The following GLIS3 variants were observed in gnomAD, a reference collection of about 807,000 sequenced individuals.
The protein encoded by GLIS3 is zinc finger protein GLIS3.
In GLIS3, 53 loss-of-function variants were observed where a neutral mutation model predicts 78.6. That is an observed-to-expected ratio of 0.67 (90% CI 0.54 to 0.85). GLIS3 has a LOEUF of 0.85. GLIS3 is among the 40% of genes least tolerant of loss of function. The probability of loss-of-function intolerance (pLI) is 0.00; values close to 1 mark genes in which losing one functional copy is unlikely to be tolerated. For missense variants in GLIS3, 1,703 were observed against 1,231.1 expected (o/e 1.38, Z -5.74); for synonymous variants, 684 against 509.9 (o/e 1.34, Z -4.60).
intron 2 of GLIS3, among the ~76,000 whole-genome samples, chr9:4,144,117 C>G (rs1399259718): frequency 6.6e-6 from 1 of 152,080 alleles, no homozygotes; most frequent in Admixed American, 6.6e-5. Flanking sequence ...GGGGAGAAGG[C>G]AAGGGAACAA....
chr9:4,061,031 T>A (rs1826603763), intron 4 of GLIS3, among the ~76,000 whole-genome samples: 1 of 152,044 alleles, frequency 6.6e-6, no homozygotes, highest in African/African-American at 2.4e-5. Context: ...GTTACACTTC[T>A]GCATCATCTG....
intron 6 of GLIS3, among the ~76,000 whole-genome samples, chr9:3,915,710 A>T (rs937460334): frequency 6.6e-6 from 1 of 152,208 alleles, no homozygotes; most frequent in South Asian, 2.1e-4. Context: ...CCCTGGAAAG[A>T]TGCTATTACT....
At chr9:4,267,207 C>G (rs1463938380) in intron 2 of GLIS3, among the ~76,000 whole-genome samples, 2 of 152,156 alleles carry the variant, frequency 1.3e-5, no homozygotes, top group Non-Finnish European at 2.9e-5. Context: ...CTCCCATCTT[C>G]TAAAGTGGGA....
intron 2 of GLIS3, among the ~76,000 whole-genome samples, chr9:4,265,472 C>G (rs532154193): frequency 6.7e-6 from 1 of 148,892 alleles, no homozygotes; most frequent in East Asian, 1.9e-4. Flanking sequence ...TCACATCCGT[C>G]ACATTCTATA....
At chr9:4,093,291 G>A (rs1296594504) in intron 4 of GLIS3, among the ~76,000 whole-genome samples, 2 of 151,720 alleles carry the variant, frequency 1.3e-5, no homozygotes, top group African/African-American at 2.4e-5. Flanking sequence ...TATAATGAAT[G>A]AATGTTCCTG....
chr9:4,163,373 T>C (rs573714371), intron 2 of GLIS3, among the ~76,000 whole-genome samples: 2 of 152,402 alleles, frequency 1.3e-5, no homozygotes, highest in South Asian at 4.1e-4. Context: ...AGCTGGAGGA[T>C]ACCTCATTTA....
At chr9:4,399,221 G>C in the GLIS3 span, among the ~76,000 whole-genome samples, 1 of 152,138 alleles carries the variant, frequency 6.6e-6, no homozygotes, top group Admixed American at 6.5e-5. Flanking sequence ...TAACTACCCT[G>C]ATCTGATCAC....
At chr9:3,994,400 C>T (rs1212854293) in intron 4 of GLIS3, among the ~76,000 whole-genome samples, 2 of 152,142 alleles carry the variant, frequency 1.3e-5, no homozygotes, top group Non-Finnish European at 2.9e-5. Context: ...GTTTTGACAC[C>T]TACACCTTGA....
At position 4,044,616 on chromosome 9, in the gene GLIS3, C is replaced by T. The variant is rs997889134; in HGVS notation, c.1710+73152G>A. ...AGTGACTGTCTTTGGGTCAGGTGCA[C>T]ATTGCAGTCTGGGTTGGGTACAGTA... On this transcript the variant is annotated intron_variant, in intron 4 of 10. Transcript: ENST00000381971. Among the ~76,000 whole-genome samples the T allele has an allele frequency of 1.6e-4, 24 of 152,280 alleles. 1 individual carries two copies. The highest frequency in any genetic ancestry group is 5.8e-4 in the African/African-American group (24 of 41,568).
chr9:4,427,305 T>A, the GLIS3 span, among the ~76,000 whole-genome samples: 2 of 152,202 alleles, frequency 1.3e-5, no homozygotes, highest in Non-Finnish European at 2.9e-5. Context: ...TCTCCACTTA[T>A]AATTGTTTCC....
In GLIS3 at chr9:3,910,338, T is replaced by A. The variant is rs188449684; in HGVS notation, c.1984-11503A>T. ...GGGTTTTTCTCTAGGCTGAAAAAAT[T>A]TTGTTTTGTTATTTATTTATTTATT... On this transcript the variant is annotated intron_variant, in intron 6 of 10. Coordinates refer to ENST00000381971, the MANE Select transcript of GLIS3 (RefSeq NM_001042413.2). 9.5e-4 allele frequency among the ~76,000 whole-genome samples: 145 copies of A among 152,218 alleles called. 1 individual carries two copies. Among genetic ancestry groups the A allele is most frequent in the African/African-American group, 3.3e-3 (137 of 41,540 alleles).
At chr9:4,365,976 A>T in the GLIS3 span, among the ~76,000 whole-genome samples, 5 of 152,198 alleles carry the variant, frequency 3.3e-5, no homozygotes, top group African/African-American at 9.7e-5. Flanking sequence ...TCAAACTCAC[A>T]TTCTAAGGTG....
At chr9:4,440,404 T>C in the GLIS3 span, among the ~76,000 whole-genome samples, 71 of 152,360 alleles carry the variant, frequency 4.7e-4, 2 homozygotes, top group South Asian at 0.015. Context: ...CCTGTGGATA[T>C]CCTGTTTTCT....
At chr9:4,086,407 T>C (rs1002092815) in intron 4 of GLIS3, among the ~76,000 whole-genome samples, 2 of 152,250 alleles carry the variant, frequency 1.3e-5, no homozygotes, top group Non-Finnish European at 2.9e-5. Flanking sequence ...CATAACTTTA[T>C]GTATATCATA....
the GLIS3 span, among the ~76,000 whole-genome samples, chr9:4,420,534 C>T: frequency 1.5e-3 from 228 of 152,248 alleles, 1 homozygote; most frequent in African/African-American, 5.1e-3. Context: ...GGGGGTAAGG[C>T]AGGTGGGGAA....
At chr9:4,188,569 T>C (rs1380829032) in intron 2 of GLIS3, among the ~76,000 whole-genome samples, 2 of 152,118 alleles carry the variant, frequency 1.3e-5, no homozygotes, top group Non-Finnish European at 2.9e-5. Flanking sequence ...TCAGAAGTAA[T>C]GGTACCACTT....
chr9:4,318,939 C>T (rs1380985346), intron 2 of GLIS3, among the ~76,000 whole-genome samples: 1 of 152,134 alleles, frequency 6.6e-6, no homozygotes, highest in Non-Finnish European at 1.5e-5. Context: ...GCTGAGGACA[C>T]AACAGTATTT....
At chr9:4,084,783 T>A (rs959864269) in intron 4 of GLIS3, among the ~76,000 whole-genome samples, 2 of 152,166 alleles carry the variant, frequency 1.3e-5, no homozygotes, top group Admixed American at 1.3e-4. Flanking sequence ...TCGTGTGGAC[T>A]GACGCTGTTT....
At chr9:4,443,078 C>T in the GLIS3 span, among the ~76,000 whole-genome samples, 1 of 152,134 alleles carries the variant, frequency 6.6e-6, no homozygotes, top group Non-Finnish European at 1.5e-5. Flanking sequence ...GTAGCAATTT[C>T]CCCATCCTTA....
Sources: allele counts gnomAD v4.1 joint callset (sites outside exome capture counted in the v4.1 genomes callset), GRCh38; gene constraint gnomAD v4.1.1; transcripts MANE v1.5; gene names NCBI Gene and HGNC (gene_info 2026-07-23, HGNC 2026-07-21).